Variants in SIPA1L3 observed in about 807,000 individuals in gnomAD.
SIPA1L3 encodes the protein signal-induced proliferation-associated 1-like protein 3.
SIPA1L3 carries 59 observed loss-of-function variants against 150.1 expected under a neutral mutation model. The observed-to-expected ratio is 0.39, with a 90% confidence interval of 0.32 to 0.49. The LOEUF is 0.49. Ranked by LOEUF, SIPA1L3 falls within the 20% of genes least tolerant of loss-of-function variation. SIPA1L3 has a pLI of 0.86. For synonymous variants in SIPA1L3, 1,070 were observed against 1,077.6 expected (o/e 0.99, Z 0.14); for missense variants, 2,211 against 2,489.5 (o/e 0.89, Z 2.38).
chr19:37,925,048 C>CAA (rs753601542), intron 1 of SIPA1L3, among the ~76,000 whole-genome samples: 4 of 84,260 alleles, frequency 4.7e-5, no homozygotes, highest in African/African-American at 8.6e-5. Flanking sequence ...GACTCTGTCT[C>CAA]AAAAAAAAAA....
In SIPA1L3 at chr19:38,029,091, GCA is replaced by G. The variant is rs1455634753; in HGVS notation, c.-373_-372del. ...CCTCTTCTTTTTCCTCCATGTAGATGCACAGTCTCTGACATCAGCTCTCCTGG... is the reference window on the plus strand; with the variant it reads ...CCTCTTCTTTTTCCTCCATGTAGATGCAGTCTCTGACATCAGCTCTCCTGG... On this transcript the variant is annotated 5_prime_UTR_variant, in exon 2 of 22. The change abolishes the stop of an existing upstream ORF in the 5' untranslated region. Transcript: ENST00000222345. 6.6e-6 allele frequency: 1 copy of G among 152,214 alleles called. No individual in the cohort carries two copies. Among genetic ancestry groups the G allele is most frequent in the African/African-American group, 2.4e-5 (1 of 41,448 alleles). 9.4% of individuals were successfully genotyped at this position (152,214 alleles called of 1,614,324 possible). A position where few individuals can be genotyped will look rare whatever the true frequency, so the allele number is the denominator to read the frequency against.
At chr19:37,996,415 A>T (rs1452719047) in intron 1 of SIPA1L3, among the ~76,000 whole-genome samples, 1 of 152,068 alleles carries the variant, frequency 6.6e-6, no homozygotes, top group Non-Finnish European at 1.5e-5. Flanking sequence ...TAAACATCAC[A>T]TATATTTATG....
At position 38,094,727 on chromosome 19, in the gene SIPA1L3, AT is replaced by A. The variant is rs1171003362; in HGVS notation, c.1666-5232del. Among the ~76,000 whole-genome samples, 3 of 152,198 alleles carry A rather than the reference AT, an allele frequency of 2.0e-5. No individual in the cohort carries two copies. The East Asian group carries it at 5.8e-4, about 29-fold the overall frequency. On this transcript the variant is annotated intron_variant, in intron 4 of 21. Transcript: ENST00000222345. ...GCGGGAAGATTGCTTGAGCCCAGGA[AT>A]TTGAGACCAACCTGGACAACGTAGC...
At chr19:38,147,819 A>G (rs556125482) in intron 12 of SIPA1L3, among the ~76,000 whole-genome samples, 81 of 152,220 alleles carry the variant, frequency 5.3e-4, no homozygotes, top group African/African-American at 1.9e-3. Context: ...TACAGAGGGA[A>G]ACTACAGCTC....
At chr19:38,025,833 G>T (rs1273393999) in intron 1 of SIPA1L3, among the ~76,000 whole-genome samples, 1 of 152,136 alleles carries the variant, frequency 6.6e-6, no homozygotes, top group Non-Finnish European at 1.5e-5. Flanking sequence ...CCATTGTGAG[G>T]GCTTCCTAGA....
intron 21 of SIPA1L3, among the ~76,000 whole-genome samples, chr19:38,204,589 C>A (rs1261736504): frequency 6.6e-6 from 1 of 152,040 alleles, no homozygotes; most frequent in Non-Finnish European, 1.5e-5. Context: ...CATGGTGAAA[C>A]CCCATCTCTA....
intron 12 of SIPA1L3, among the ~76,000 whole-genome samples, chr19:38,145,789 C>CTTT (rs1249110553): frequency 6.6e-6 from 1 of 151,808 alleles, no homozygotes; most frequent in Non-Finnish European, 1.5e-5. Context: ...TCATGCTACC[C>CTTT]TTTTATAGCC....
At chr19:37,946,353 G>T (rs938199134) in intron 1 of SIPA1L3, among the ~76,000 whole-genome samples, 1 of 151,976 alleles carries the variant, frequency 6.6e-6, no homozygotes, top group African/African-American at 2.4e-5. Flanking sequence ...GGCTGGTCTT[G>T]AACTCCTGGC....
At chr19:38,177,360 C>A (rs1292395866) in intron 15 of SIPA1L3, among the ~76,000 whole-genome samples, 55 of 121,446 alleles carry the variant, frequency 4.5e-4, no homozygotes, top group Admixed American at 8.6e-4. Flanking sequence ...GACTCCATCT[C>A]AAAAAAAAAA....
Position 38,082,936 on chromosome 19 carries a change from C to T in SIPA1L3, c.1371C>T (p.Gly457=). Residue 457 remains glycine (G), a synonymous_variant, in exon 3 of 22, where the codon GGC becomes GGT. Transcript: ENST00000222345. ...TGGGCTCCCCGAGCAGCGGCGAGGG[C>T]CACCTGGCAGAGCCCGCCCTGAGCG... is the stretch of plus-strand genomic sequence containing the variant. ...ASVGSPSSGE[G]HLAEPALSAY... 1 of 1,613,088 alleles carries T rather than the reference C, an allele frequency of 6.2e-7. No individual in the cohort carries two copies. Among genetic ancestry groups the T allele is most frequent in the Non-Finnish European group, 8.5e-7 (1 of 1,179,896 alleles).
At chr19:38,152,683 C>T (rs886524954) in intron 12 of SIPA1L3, among the ~76,000 whole-genome samples, 157 bp from the exon 13 acceptor site, 2 of 152,216 alleles carry the variant, frequency 1.3e-5, no homozygotes, top group Admixed American at 6.5e-5. Context: ...CGTTTCCAGG[C>T]TTACTCATCC....
rs569215769 is a variant in SIPA1L3 at position 38,094,402 on chromosome 19, C to T, written c.1665+5551C>T. Reference sequence around the variant, plus strand: ...TAGCTGAGACCACAGGCATGCACCACCATGCCTGGCTAATAATTTTGTTTT... The same window carrying T: ...TAGCTGAGACCACAGGCATGCACCATCATGCCTGGCTAATAATTTTGTTTT... On this transcript the variant is annotated intron_variant, in intron 4 of 21. Coordinates refer to ENST00000222345, the MANE Select transcript of SIPA1L3 (RefSeq NM_015073.3). Among the ~76,000 whole-genome samples the T allele has an allele frequency of 1.6e-3, 245 of 152,214 alleles. 1 individual carries two copies. Among genetic ancestry groups the T allele is most frequent in the African/African-American group, 5.6e-3 (231 of 41,544 alleles).
chr19:38,092,731 G>C (rs1261740496), intron 4 of SIPA1L3, among the ~76,000 whole-genome samples: 1 of 152,202 alleles, frequency 6.6e-6, no homozygotes, highest in Non-Finnish European at 1.5e-5. Flanking sequence ...CGTGAGACTG[G>C]GTGTTTGAGG....
At chr19:38,165,909 C>G (rs1478121316) in intron 15 of SIPA1L3, among the ~76,000 whole-genome samples, 1 of 152,104 alleles carries the variant, frequency 6.6e-6, no homozygotes, top group Non-Finnish European at 1.5e-5. Context: ...ATTACAGGTG[C>G]CCACCACCAT....
At chr19:38,072,289 T>A (rs1211612838) in intron 2 of SIPA1L3, among the ~76,000 whole-genome samples, 3 of 152,352 alleles carry the variant, frequency 2.0e-5, no homozygotes, top group African/African-American at 4.8e-5. Context: ...AATTGACAGG[T>A]GTGAAGTGCT....
In SIPA1L3 at chr19:38,153,033, C is replaced by T. The variant is rs1186379956; in HGVS notation, c.3661+66C>T. 8.4e-6 allele frequency: 13 copies of T among 1,552,092 alleles called. 1 individual carries two copies. In the South Asian group the frequency reaches 1.2e-4, roughly 14 times the overall value. ...ACTCCGCAGGACCTCTTACTTAGAG[C>T]TTGACAGGCAACACTCCCCCTCTTG... On this transcript the variant is annotated intron_variant, in intron 13 of 21. Transcript: ENST00000222345.
chr19:37,907,728 G>A (rs2046346527), intron 1 of SIPA1L3: 1 of 152,170 alleles, frequency 6.6e-6, no homozygotes. Context: ...AAAACATTTG[G>A]CACATAGGAG....
intron 1 of SIPA1L3, among the ~76,000 whole-genome samples, chr19:37,982,964 G>A (rs1033018970): frequency 6.6e-6 from 1 of 152,164 alleles, no homozygotes. Flanking sequence ...GGGTTCTCTG[G>A]CAGGCATACC....
chr19:38,191,842 A>G (rs1972811556), intron 16 of SIPA1L3, among the ~76,000 whole-genome samples: 1 of 152,064 alleles, frequency 6.6e-6, no homozygotes. Flanking sequence ...CCCCTCACAC[A>G]GGGGGTCTGT....
Sources: gnomAD v4.1 joint callset for allele counts (sites outside exome capture counted in the v4.1 genomes callset) on GRCh38, gnomAD v4.1.1 for gene constraint, MANE v1.5 for transcripts, NCBI Gene and HGNC (gene_info 2026-07-23, HGNC 2026-07-21) for gene names.